The following COL25A1 variants were observed in gnomAD, a reference collection of about 807,000 sequenced individuals.
The protein encoded by COL25A1 is collagen type XXV alpha 1 chain.
Under a neutral mutation model 128.4 loss-of-function variants are expected in COL25A1, and 103 were observed. The observed-to-expected ratio is 0.80, with a 90% CI of 0.68 to 0.94. COL25A1 has a LOEUF of 0.94. Ranked by LOEUF, COL25A1 falls within the 40% of genes least tolerant of loss-of-function variation. The pLI is 0.00. For missense variants in COL25A1, 745 were observed against 840.0 expected, an observed-to-expected ratio of 0.89 and a Z score of 1.40; for synonymous variants, 279 against 277.2, an observed-to-expected ratio of 1.01 and a Z score of -0.06.
chr4:109,060,061 TACAAACTAACC>T (rs1433047651), intron 3 of COL25A1, among the ~76,000 whole-genome samples: 2 of 152,238 alleles, frequency 1.3e-5, no homozygotes, highest in Non-Finnish European at 2.9e-5. Context: ...TGTCTTCATC[TACAAACTAACC>T]TCTCAGAAAC....
intron 19 of COL25A1, among the ~76,000 whole-genome samples, chr4:108,882,242 T>C (rs1320581500): frequency 2.7e-5 from 4 of 148,192 alleles, no homozygotes; most frequent in African/African-American, 4.9e-5. Flanking sequence ...AGATGATAAA[T>C]AGTATAATCA....
chr4:109,061,692 T>C (rs1052281102), intron 3 of COL25A1, among the ~76,000 whole-genome samples: 12 of 152,296 alleles, frequency 7.9e-5, no homozygotes, highest in African/African-American at 2.4e-4. Context: ...AAAAGACACT[T>C]GCAATCGCCT....
At chr4:109,194,017 T>TA (rs950963183) in intron 3 of COL25A1, among the ~76,000 whole-genome samples, 1 of 152,208 alleles carries the variant, frequency 6.6e-6, no homozygotes, top group African/African-American at 2.4e-5. Flanking sequence ...TCTCTTTATT[T>TA]AAAAAATAGA....
At chr4:108,969,586 T>A (rs568518242) in intron 8 of COL25A1, among the ~76,000 whole-genome samples, 40 of 152,306 alleles carry the variant, frequency 2.6e-4, no homozygotes, top group Middle Eastern at 6.8e-3. Flanking sequence ...GGTGACCACT[T>A]TGGAATCTCT....
intron 3 of COL25A1, among the ~76,000 whole-genome samples, chr4:109,274,732 A>G (rs1211974661): frequency 1.3e-5 from 2 of 152,224 alleles, no homozygotes; most frequent in African/African-American, 2.4e-5. Context: ...CATTTTATAT[A>G]TAACTAAAAA....
chr4:109,146,599 T>G (rs1770966095), intron 3 of COL25A1, among the ~76,000 whole-genome samples: 1 of 152,204 alleles, frequency 6.6e-6, no homozygotes, highest in Non-Finnish European at 1.5e-5. Context: ...CTTTATTCTT[T>G]AAACACCATT....
chr4:109,147,099 G>A (rs1192955002), intron 3 of COL25A1, among the ~76,000 whole-genome samples: 2 of 152,310 alleles, frequency 1.3e-5, no homozygotes, highest in Admixed American at 6.5e-5. Flanking sequence ...GTTAAAGACC[G>A]TTGGCAACAT....
At chr4:109,285,173 C>A (rs755745945) in intron 3 of COL25A1, among the ~76,000 whole-genome samples, 1 of 151,862 alleles carries the variant, frequency 6.6e-6, no homozygotes, top group East Asian at 1.9e-4. Context: ...ATAAAGCCAT[C>A]GATAGGAAAT....
chr4:108,832,234 T>G, intron 32 of COL25A1, 146 bp downstream of exon 32: 2 of 586,272 alleles, frequency 3.4e-6, no homozygotes, highest in South Asian at 5.6e-5. Flanking sequence ...ATTAGGACTC[T>G]GAATAGAACT....
At chr4:109,168,888 C>T (rs974521077) in intron 3 of COL25A1, among the ~76,000 whole-genome samples, 1 of 152,080 alleles carries the variant, frequency 6.6e-6, no homozygotes, top group African/African-American at 2.4e-5. Flanking sequence ...CCATATTTGC[C>T]ATTTTGCATC....
At chr4:109,081,999 G>A (rs1046917703) in intron 3 of COL25A1, among the ~76,000 whole-genome samples, 6 of 152,096 alleles carry the variant, frequency 3.9e-5, no homozygotes, top group Non-Finnish European at 7.4e-5. Context: ...GCCACCGCGC[G>A]TAGCCCACTA....
At chr4:109,285,806 C>T (rs936540995) in intron 3 of COL25A1, among the ~76,000 whole-genome samples, 2 of 152,168 alleles carry the variant, frequency 1.3e-5, no homozygotes, top group Non-Finnish European at 2.9e-5. Flanking sequence ...GATATTTACA[C>T]CCGAAAAACT....
At chr4:109,072,559 A>T (rs931033458) in intron 3 of COL25A1, among the ~76,000 whole-genome samples, 2 of 152,198 alleles carry the variant, frequency 1.3e-5, no homozygotes, top group African/African-American at 4.8e-5. Flanking sequence ...CCCTGTAATT[A>T]TAGAATCAAT....
chr4:109,252,769 T>C (rs1044976308), intron 3 of COL25A1, among the ~76,000 whole-genome samples: 1 of 152,192 alleles, frequency 6.6e-6, no homozygotes, highest in Non-Finnish European at 1.5e-5. Context: ...CAGCTTGAAC[T>C]CTGCCCACTA....
chr4:109,162,264 T>C (rs1578326137), intron 3 of COL25A1, among the ~76,000 whole-genome samples: 1 of 152,122 alleles, frequency 6.6e-6, no homozygotes, highest in Non-Finnish European at 1.5e-5. Flanking sequence ...TTTTGGTACA[T>C]GCAAAGGCCC....
At chr4:109,189,814 C>T (rs1203891998) in intron 3 of COL25A1, among the ~76,000 whole-genome samples, 1 of 151,888 alleles carries the variant, frequency 6.6e-6, no homozygotes, top group Non-Finnish European at 1.5e-5. Flanking sequence ...TTGTCTCTGC[C>T]ATTTTTGCCT....
chr4:109,078,182 G>T (rs1189275966), intron 3 of COL25A1, among the ~76,000 whole-genome samples: 1 of 152,056 alleles, frequency 6.6e-6, no homozygotes, highest in Non-Finnish European at 1.5e-5. Context: ...AACAACACTG[G>T]AATAACATCA....
intron 3 of COL25A1, among the ~76,000 whole-genome samples, chr4:109,269,340 C>T (rs1782025540): frequency 6.8e-6 from 1 of 146,826 alleles, no homozygotes. Context: ...CATTGTTGGA[C>T]ATTTGGGTTG....
chr4:109,091,273 TTC>T (rs1361547826), intron 3 of COL25A1, among the ~76,000 whole-genome samples: 1 of 152,176 alleles, frequency 6.6e-6, no homozygotes, highest in African/African-American at 2.4e-5. Context: ...TGTTTGCTTT[TTC>T]TCTCTGTGTT....
Sources: allele counts gnomAD v4.1 joint callset (sites outside exome capture counted in the v4.1 genomes callset), GRCh38; gene constraint gnomAD v4.1.1; transcripts MANE v1.5; gene names NCBI Gene and HGNC (gene_info 2026-07-23, HGNC 2026-07-21).